The following PTPRN2 variants were observed in gnomAD, a reference collection of about 807,000 sequenced individuals.
The protein encoded by PTPRN2 is receptor-type tyrosine-protein phosphatase N2.
PTPRN2 carries 74 observed loss-of-function variants against 118.8 expected under a neutral mutation model. That is an observed-to-expected ratio of 0.62 (90% CI 0.52 to 0.76). The LOEUF is 0.76. PTPRN2 is among the 30% of genes least tolerant of loss of function. The pLI is 0.00. For missense variants in PTPRN2, 1,481 were observed against 1,394.4 expected (o/e 1.06, Z -0.99); for synonymous variants, 641 against 608.0 (o/e 1.05, Z -0.80).
At chr7:158,362,564 T>C (rs1809073643) in intron 2 of PTPRN2, among the ~76,000 whole-genome samples, 1 of 152,210 alleles carries the variant, frequency 6.6e-6, no homozygotes, top group Non-Finnish European at 1.5e-5. Context: ...AGGTGTCCCC[T>C]CTGCAAGGGA....
At chr7:157,687,975 T>G (rs1336162175) in intron 12 of PTPRN2, among the ~76,000 whole-genome samples, 1 of 152,236 alleles carries the variant, frequency 6.6e-6, no homozygotes, top group Admixed American at 6.5e-5. Flanking sequence ...GAAGCTATTA[T>G]CAGAGCAAGA....
intron 15 of PTPRN2, among the ~76,000 whole-genome samples, chr7:157,608,779 G>A (rs978584242): frequency 7.2e-5 from 11 of 152,210 alleles, no homozygotes; most frequent in Non-Finnish European, 4.4e-5. Flanking sequence ...TCGGGGAACT[G>A]AAGGCTGCTC....
chr7:158,087,286 C>A (rs1813498739), intron 10 of PTPRN2, among the ~76,000 whole-genome samples: 1 of 152,234 alleles, frequency 6.6e-6, no homozygotes. Flanking sequence ...GTGGTTGATA[C>A]AAGGGAGGGG....
intron 12 of PTPRN2, among the ~76,000 whole-genome samples, chr7:157,807,159 C>T (rs1449435300): frequency 6.6e-6 from 1 of 152,220 alleles, no homozygotes. Flanking sequence ...ACGGTTTGTA[C>T]CACCAGGGAA....
chr7:157,857,582 G>A (rs1385865908), intron 12 of PTPRN2: 1 of 152,322 alleles, frequency 6.6e-6, no homozygotes, highest in South Asian at 2.1e-4. Flanking sequence ...GGCCACCGGG[G>A]AGTCACAGCT....
intron 12 of PTPRN2, chr7:157,863,750 G>A (rs1810415419): frequency 6.6e-6 from 1 of 152,284 alleles, no homozygotes; most frequent in African/African-American, 2.4e-5. Flanking sequence ...CCCTGACCCA[G>A]CAGGACCGGT....
rs548029405 is a variant in PTPRN2 at position 157,671,262 on chromosome 7, G to A, written c.2001+11463C>T. ...GGGAAGCCAAGGCTGTCCCCACACG[G>A]GCTGGTCTGGTGTGGGCAACAAGGC... On this transcript the variant is annotated intron_variant, in intron 13 of 22. Transcript: ENST00000389418. The surrounding 1 kb of genome is among the most constrained non-coding windows in gnomAD (Gnocchi z 4.1). Among the ~76,000 whole-genome samples, 4 of 152,250 alleles carry A rather than the reference G, an allele frequency of 2.6e-5. No individual in the cohort carries two copies. Among genetic ancestry groups the A allele is most frequent in the African/African-American group, 7.2e-5 (3 of 41,560 alleles).
chr7:158,114,822 C>A (rs984619419), intron 9 of PTPRN2, among the ~76,000 whole-genome samples: 3 of 152,154 alleles, frequency 2.0e-5, no homozygotes, highest in African/African-American at 7.2e-5. Context: ...GTCTAAGGCA[C>A]AGAGCGCGAG....
At chr7:158,352,666 A>T (rs1016900250) in intron 2 of PTPRN2, among the ~76,000 whole-genome samples, 3 of 152,228 alleles carry the variant, frequency 2.0e-5, no homozygotes, top group Admixed American at 2.0e-4. Context: ...GTAGGCTGGT[A>T]TTGGTAATCC....
At chr7:158,287,248 TTTTG>T (rs960366736) in intron 3 of PTPRN2, among the ~76,000 whole-genome samples, 6 of 152,152 alleles carry the variant, frequency 3.9e-5, no homozygotes, top group African/African-American at 1.4e-4. Flanking sequence ...AGGTTTTCAA[TTTTG>T]TTTATCATTT....
At chr7:158,082,205 C>G (rs1419717094) in intron 10 of PTPRN2, among the ~76,000 whole-genome samples, 2 of 152,136 alleles carry the variant, frequency 1.3e-5, no homozygotes, top group African/African-American at 4.8e-5. Context: ...CTTCCTGGTC[C>G]CTGGGAGGTG....
intron 12 of PTPRN2, among the ~76,000 whole-genome samples, chr7:157,748,286 T>TG (rs1316217960): frequency 7.1e-6 from 1 of 139,924 alleles, no homozygotes; most frequent in African/African-American, 2.7e-5. Flanking sequence ...CCCTGAGCTG[T>TG]GGGGTGTCTG....
intron 1 of PTPRN2, among the ~76,000 whole-genome samples, chr7:158,513,299 G>C (rs532378200): frequency 1.3e-5 from 2 of 152,170 alleles, no homozygotes; most frequent in Non-Finnish European, 2.9e-5. Flanking sequence ...CCTCAAAACT[G>C]TCAGGGTCCT....
chr7:158,462,241 AC>A (rs1012943977), intron 2 of PTPRN2, among the ~76,000 whole-genome samples: 8 of 152,126 alleles, frequency 5.3e-5, no homozygotes, highest in African/African-American at 1.7e-4. Context: ...CCAGGATGTC[AC>A]TTCTCAAAGG....
intron 14 of PTPRN2, among the ~76,000 whole-genome samples, chr7:157,630,055 A>G (rs1200019508): frequency 6.6e-6 from 1 of 152,218 alleles, no homozygotes; most frequent in Admixed American, 6.5e-5. Context: ...TAAATTTTTG[A>G]ATTCCAAAAG....
At chr7:158,523,530 AGTCTGCCCTGG>A (rs1824425695) in intron 1 of PTPRN2, among the ~76,000 whole-genome samples, 1 of 76,364 alleles carries the variant, frequency 1.3e-5, no homozygotes, top group Non-Finnish European at 2.5e-5. Flanking sequence ...CCTGGAGCAG[AGTCTGCCCTGG>A]AATGGAGTCC....
intron 1 of PTPRN2, among the ~76,000 whole-genome samples, chr7:158,523,541 G>A (rs1252899623): frequency 0.061 from 3,537 of 57,672 alleles, 845 homozygotes; most frequent in South Asian, 0.17. Context: ...GTCTGCCCTG[G>A]AATGGAGTCC....
intron 11 of PTPRN2, among the ~76,000 whole-genome samples, chr7:158,071,379 G>A (rs1473479545): frequency 8.4e-5 from 8 of 95,700 alleles, no homozygotes; most frequent in East Asian, 8.9e-4. Flanking sequence ...GGTGGTGGAG[G>A]TGCTCGTGGT....
chr7:157,749,791 G>C (rs1234393254), intron 12 of PTPRN2, among the ~76,000 whole-genome samples: 1 of 140,186 alleles, frequency 7.1e-6, no homozygotes, highest in Non-Finnish European at 1.5e-5. Context: ...TGAGGCCTGC[G>C]TCCCTCAGCT....
Sources: allele counts gnomAD v4.1 joint callset (sites outside exome capture counted in the v4.1 genomes callset), GRCh38; gene constraint gnomAD v4.1.1; non-coding constraint Gnocchi (gnomAD v3.1); transcripts MANE v1.5; gene names NCBI Gene and HGNC (gene_info 2026-07-23, HGNC 2026-07-21).